Variants in DACH1 observed in about 807,000 individuals in gnomAD.
DACH1 encodes dachshund family transcription factor 1, also known as dachshund homolog 1.
Under a neutral mutation model 54.2 loss-of-function variants are expected in DACH1, and 12 were observed. The ratio of observed to expected loss-of-function variants is 0.22; its 90% CI spans 0.14 to 0.36. The LOEUF is 0.36. DACH1 is among the 10% of genes least tolerant of loss of function. The pLI is 1.00. For missense variants in DACH1, 805 were observed against 929.8 expected (o/e 0.87, Z 1.75); for synonymous variants, 386 against 366.2 (o/e 1.05, Z -0.62).
At chr13:71,470,903 T>G (rs1466220897) in intron 10 of DACH1, among the ~76,000 whole-genome samples, 1 of 152,130 alleles carries the variant, frequency 6.6e-6, no homozygotes, top group Non-Finnish European at 1.5e-5. Context: ...AACAAGGAAC[T>G]GCATGTACAG....
chr13:71,798,356 A>G (rs1418526784), intron 1 of DACH1, among the ~76,000 whole-genome samples: 1 of 129,038 alleles, frequency 7.7e-6, no homozygotes, highest in East Asian at 3.9e-4. Flanking sequence ...ATATATATAT[A>G]TATATATCCA....
Position 71,780,582 on chromosome 13 carries a change from G to A in DACH1, c.848+85340C>T, listed in dbSNP as rs114008756. On this transcript the variant is annotated intron_variant, in intron 1 of 10. Transcript: ENST00000613252. ...CTACTCTTGAACCTGGGAGACGGAG[G>A]TTGCAGTGAGCCAAGACTACGCCAC... 8.6e-3 allele frequency among the ~76,000 whole-genome samples: 1,296 copies of A among 151,538 alleles called. 26 individuals carry two copies. Among genetic ancestry groups the A allele is most frequent in the African/African-American group, 0.029 (1,215 of 41,282 alleles).
chr13:71,821,595 T>C (rs924841006), intron 1 of DACH1, among the ~76,000 whole-genome samples: 1 of 137,318 alleles, frequency 7.3e-6, no homozygotes, highest in East Asian at 2.0e-4. Flanking sequence ...ACATTAGTTA[T>C]ATATTTTCTT....
At chr13:71,556,445 T>C (rs1264605517) in intron 6 of DACH1, among the ~76,000 whole-genome samples, 2 of 152,152 alleles carry the variant, frequency 1.3e-5, no homozygotes, top group Admixed American at 6.5e-5. Flanking sequence ...AATTTTTTCA[T>C]GGAATTATCA....
At chr13:71,442,639 G>A (rs1874106298) in intron 10 of DACH1, among the ~76,000 whole-genome samples, 1 of 152,038 alleles carries the variant, frequency 6.6e-6, no homozygotes, top group African/African-American at 2.4e-5. Context: ...TGTCCAGACT[G>A]CCAGTGGATG....
intron 10 of DACH1, among the ~76,000 whole-genome samples, chr13:71,460,792 T>G (rs1007911802): frequency 6.6e-6 from 1 of 152,048 alleles, no homozygotes; most frequent in African/African-American, 2.4e-5. Flanking sequence ...CTTATTCCAG[T>G]CCCATTTGAC....
At chr13:71,501,138 C>T (rs373580050) in intron 6 of DACH1, among the ~76,000 whole-genome samples, 18 of 152,192 alleles carry the variant, frequency 1.2e-4, no homozygotes, top group African/African-American at 4.3e-4. Flanking sequence ...ATGATTTTCC[C>T]GGCAATTCCC....
intron 6 of DACH1, among the ~76,000 whole-genome samples, chr13:71,536,935 T>C (rs747231917): frequency 3.9e-5 from 6 of 152,116 alleles, no homozygotes; most frequent in Non-Finnish European, 7.4e-5. Flanking sequence ...AATTAGTTTA[T>C]TATTTAATTA....
intron 2 of DACH1, among the ~76,000 whole-genome samples, chr13:71,654,880 T>C (rs1878985580): frequency 6.6e-6 from 1 of 152,198 alleles, no homozygotes; most frequent in Non-Finnish European, 1.5e-5. Flanking sequence ...AGGTGGGGAA[T>C]GAAGAAAGGC....
chr13:71,619,091 TTC>T (rs1876006327), intron 3 of DACH1, among the ~76,000 whole-genome samples: 1 of 151,366 alleles, frequency 6.6e-6, no homozygotes, highest in Non-Finnish European at 1.5e-5. Context: ...AATAATCTAA[TTC>T]TGTTTTATAT....
At chr13:71,780,030 GAA>G (rs1886306157) in intron 1 of DACH1, among the ~76,000 whole-genome samples, 1 of 152,022 alleles carries the variant, frequency 6.6e-6, no homozygotes, top group African/African-American at 2.4e-5. Flanking sequence ...ATGAATGAAT[GAA>G]AATAATAAGG....
intron 1 of DACH1, among the ~76,000 whole-genome samples, chr13:71,737,388 G>C (rs992638703): frequency 1.3e-5 from 2 of 151,932 alleles, no homozygotes; most frequent in Non-Finnish European, 2.9e-5. Context: ...GGGAAGGAGG[G>C]ATTTGGCAGA....
intron 2 of DACH1, among the ~76,000 whole-genome samples, chr13:71,639,128 C>T (rs1234808251): frequency 1.3e-5 from 2 of 152,076 alleles, no homozygotes; most frequent in African/African-American, 4.8e-5. Context: ...CCTTTTTTCA[C>T]CCTGTTTTCC....
At chr13:71,662,674 G>A (rs1879586590) in intron 2 of DACH1, among the ~76,000 whole-genome samples, 1 of 151,910 alleles carries the variant, frequency 6.6e-6, no homozygotes, top group Admixed American at 6.6e-5. Flanking sequence ...TATATGCTTT[G>A]TAATACCATG....
chr13:71,840,836 C>G (rs1255850955), intron 1 of DACH1, among the ~76,000 whole-genome samples: 1 of 151,994 alleles, frequency 6.6e-6, no homozygotes, highest in African/African-American at 2.4e-5. Context: ...CTTAGATTTC[C>G]AAGATGGATG....
At chr13:71,737,274 G>C (rs779252329) in intron 1 of DACH1, among the ~76,000 whole-genome samples, 1 of 152,098 alleles carries the variant, frequency 6.6e-6, no homozygotes, top group Non-Finnish European at 1.5e-5. Context: ...GTTCAGAAGA[G>C]AGAACTAGGC....
At chr13:71,479,455 C>G in intron 7 of DACH1, 139 bp from the exon 8 acceptor site, 2 of 692,366 alleles carry the variant, frequency 2.9e-6, no homozygotes, top group East Asian at 5.5e-5. Flanking sequence ...CTCACTAGAA[C>G]AAATACTATA....
intron 1 of DACH1, among the ~76,000 whole-genome samples, chr13:71,804,640 G>A (rs977045284): frequency 1.1e-4 from 17 of 152,066 alleles, no homozygotes; most frequent in Non-Finnish European, 8.8e-5. Context: ...TTGCCAAAGC[G>A]CTGCATTTGC....
rs192281942 is a variant in DACH1 at position 71,758,267 on chromosome 13, T to C, written c.849-76357A>G. 9.5e-4 allele frequency among the ~76,000 whole-genome samples: 144 copies of C among 152,226 alleles called. 1 individual carries two copies. Among genetic ancestry groups the C allele is most frequent in the Middle Eastern group, 3.4e-3 (1 of 294 alleles). On this transcript the variant is annotated intron_variant, in intron 1 of 10. Transcript: ENST00000613252. ...TTGTGATGTGTGCATTTAAAACAGATTGACAGAGCAGAAATAGATTTTTAT... is the reference window on the plus strand; with the variant it reads ...TTGTGATGTGTGCATTTAAAACAGACTGACAGAGCAGAAATAGATTTTTAT...
Sources: gnomAD v4.1 joint callset for allele counts (sites outside exome capture counted in the v4.1 genomes callset) on GRCh38, gnomAD v4.1.1 for gene constraint, MANE v1.5 for transcripts, NCBI Gene and HGNC (gene_info 2026-07-23, HGNC 2026-07-21) for gene names.